The following RUNX1T1 variants were observed in gnomAD, a reference collection of about 807,000 sequenced individuals.
RUNX1T1 encodes the protein RUNX1 partner transcriptional co-repressor 1.
In RUNX1T1, 4 loss-of-function variants were observed where a neutral mutation model predicts 62.8. The ratio of observed to expected loss-of-function variants is 0.06; its 90% CI spans 0.03 to 0.15. The LOEUF is 0.15. RUNX1T1 is among the 10% of genes least tolerant of loss of function. The pLI is 1.00. For missense variants in RUNX1T1, 508 were observed against 754.3 expected (o/e 0.67, Z 3.82); for synonymous variants, 291 against 286.0 (o/e 1.02, Z -0.18).
At chr8:91,977,147 T>C in intron 8 of RUNX1T1, 1 of 197,548 alleles carries the variant, frequency 5.1e-6, no homozygotes. Flanking sequence ...TTTGAATTCT[T>C]GCAGGGCACA....
downstream of RUNX1T1, chr8:91,956,154 CTAATTT>C: frequency 8.7e-6 from 2 of 230,214 alleles, no homozygotes. Context: ...GTACTCATTT[CTAATTT>C]TATCAAAACA....
chr8:91,961,654 A>T (rs1373482642), intron 10 of RUNX1T1, among the ~76,000 whole-genome samples: 1 of 152,214 alleles, frequency 6.6e-6, no homozygotes, highest in African/African-American at 2.4e-5. Flanking sequence ...ACCTTCAGGG[A>T]TCCTCCTATG....
At chr8:92,037,211 C>G (rs1425753575) in intron 1 of RUNX1T1, among the ~76,000 whole-genome samples, 4 of 152,082 alleles carry the variant, frequency 2.6e-5, no homozygotes, top group African/African-American at 9.7e-5. Flanking sequence ...TGTGGATGAC[C>G]AATGCCTTGA....
upstream of RUNX1T1, among the ~76,000 whole-genome samples, chr8:92,100,704 G>A (rs754329712): frequency 9.6e-4 from 146 of 151,948 alleles, no homozygotes; most frequent in Non-Finnish European, 1.6e-3. Context: ...ATCAGTAAAG[G>A]AAAAAAACGA....
intron 4 of RUNX1T1, 127 bp from the exon 6 acceptor site, chr8:92,005,424 A>G (rs566484567): frequency 1.4e-5 from 11 of 777,122 alleles, no homozygotes; most frequent in East Asian, 2.9e-5. Context: ...AATGCATGCC[A>G]TGGGCTGGAA....
At chr8:92,049,574 C>A (rs1212889846) in intron 1 of RUNX1T1, among the ~76,000 whole-genome samples, 2 of 152,198 alleles carry the variant, frequency 1.3e-5, no homozygotes, top group Non-Finnish European at 2.9e-5. Context: ...CTACCTCCTC[C>A]ACATTCCTTA....
chr8:92,078,939 T>C (rs2130799871), intron 1 of RUNX1T1, among the ~76,000 whole-genome samples: 1 of 152,336 alleles, frequency 6.6e-6, no homozygotes, highest in East Asian at 1.9e-4. Context: ...CCTTGGCAAA[T>C]CATTCTTGTA....
chr8:92,005,689 A>G (rs922560754), intron 4 of RUNX1T1: 1 of 158,532 alleles, frequency 6.3e-6, no homozygotes, highest in African/African-American at 2.4e-5. Context: ...CAGTCCAATT[A>G]ATTTCAGAAT....
intron 2 of RUNX1T1, among the ~76,000 whole-genome samples, chr8:92,074,602 T>C (rs1834157393): frequency 6.6e-6 from 1 of 152,204 alleles, no homozygotes; most frequent in Non-Finnish European, 1.5e-5. Flanking sequence ...TGGTTATTAT[T>C]ATTAGATTTT....
chr8:92,096,477 A>C (rs1837756753), intron 1 of RUNX1T1, among the ~76,000 whole-genome samples: 1 of 152,170 alleles, frequency 6.6e-6, no homozygotes, highest in African/African-American at 2.4e-5. Context: ...GTCCCTTGGG[A>C]GTCCCTTTTC....
chr8:91,956,417 C>T, downstream of RUNX1T1: 1 of 229,280 alleles, frequency 4.4e-6, no homozygotes, highest in Non-Finnish European at 8.7e-6. Context: ...TTTGATTCAG[C>T]ACCATGGAGG....
At position 92,005,133 on chromosome 8, in the gene RUNX1T1, C is replaced by T. The variant is rs377665108; in HGVS notation, c.642G>A (p.Lys214=). The T allele has an allele frequency of 3.8e-5, 62 of 1,611,142 alleles. 1 individual carries two copies. Among genetic ancestry groups the T allele is most frequent in the Non-Finnish European group, 7.6e-6 (9 of 1,178,832 alleles). ...CCTCTCACCTGTCTGGAGTTCGCCT[C>T]TTCCCGTTTTCGTTCACATCGAGAA... Residue 214 remains lysine (K), a synonymous_variant, in exon 5 of 11, where the codon AAG becomes AAA. Transcript: ENST00000396218.
At chr8:92,071,959 C>G (rs1833753774) in intron 2 of RUNX1T1, among the ~76,000 whole-genome samples, 1 of 152,132 alleles carries the variant, frequency 6.6e-6, no homozygotes, top group Non-Finnish European at 1.5e-5. Context: ...AGAGAAAGGT[C>G]TGATTTTATT....
chr8:92,095,474 T>C (rs1837658150), intron 1 of RUNX1T1: 1 of 1,531,854 alleles, frequency 6.5e-7, no homozygotes, highest in Non-Finnish European at 8.7e-7. Flanking sequence ...ACATTGTGTG[T>C]GAGTGAGTGT....
intron 1 of RUNX1T1, among the ~76,000 whole-genome samples, chr8:92,097,030 A>C (rs983722678): frequency 2.0e-5 from 3 of 152,124 alleles, no homozygotes; most frequent in Admixed American, 6.5e-5. Context: ...ATAGAATTAA[A>C]AGAAATTTGA....
chr8:91,974,096 C>T (rs868195086), intron 9 of RUNX1T1, among the ~76,000 whole-genome samples: 3 of 152,062 alleles, frequency 2.0e-5, no homozygotes, highest in East Asian at 1.9e-4. Context: ...TCCCCAAAAC[C>T]TAAATTACAC....
intron 1 of RUNX1T1, among the ~76,000 whole-genome samples, chr8:92,057,487 A>C (rs541797773): frequency 3.3e-5 from 5 of 152,234 alleles, no homozygotes; most frequent in Non-Finnish European, 7.3e-5. Flanking sequence ...GAAAGTATAC[A>C]CAGTGCCTAG....
rs67366711 is a variant in RUNX1T1 at position 91,981,404 on chromosome 8, C to CTTTTTTTT, written c.1198+4712_1198+4719dup. ...TTCAACAAACTCCTAAGTTACTAAG[C>CTTTTTTTT]TTTTTTTTTTTTTTTTTTTTTTTTT... On this transcript the variant is annotated intron_variant, in intron 8 of 10. Coordinates refer to ENST00000396218, the Ensembl canonical transcript of RUNX1T1. 3.6e-4 allele frequency among the ~76,000 whole-genome samples: 23 copies of CTTTTTTTT among 63,884 alleles called. 4 individuals are homozygous for CTTTTTTTT. Among genetic ancestry groups the CTTTTTTTT allele is most frequent in the South Asian group, 6.1e-4 (1 of 1,648 alleles). 41.9% of individuals were successfully genotyped at this position (63,884 alleles called of 152,430 possible). A position where few individuals can be genotyped will look rare whatever the true frequency, so the allele number is the denominator to read the frequency against.
chr8:91,992,828 A>G (rs986073551), intron 5 of RUNX1T1, among the ~76,000 whole-genome samples: 1 of 152,208 alleles, frequency 6.6e-6, no homozygotes, highest in Non-Finnish European at 1.5e-5. Flanking sequence ...TGGCTTTCAG[A>G]AGGAATGCAT....
Sources: allele counts gnomAD v4.1 joint callset (sites outside exome capture counted in the v4.1 genomes callset), GRCh38; gene constraint gnomAD v4.1.1; transcripts MANE v1.5; gene names NCBI Gene and HGNC (gene_info 2026-07-23, HGNC 2026-07-21).